Variants in FGF14 observed in about 807,000 individuals in gnomAD.
FGF14 encodes the protein fibroblast growth factor homologous factor 4.
In FGF14, 5 loss-of-function variants were observed where a neutral mutation model predicts 25.5. The ratio of observed to expected loss-of-function variants is 0.20; its 90% CI spans 0.10 to 0.41. The LOEUF (loss-of-function observed/expected upper bound fraction) is 0.41. Ranked by LOEUF, FGF14 falls within the 10% of genes least tolerant of loss-of-function variation. The pLI, the probability that FGF14 is intolerant of heterozygous loss-of-function variation, is 1.00. For synonymous variants in FGF14, 138 were observed against 118.3 expected (o/e 1.17, Z -1.08); for missense variants, 222 against 320.1 (o/e 0.69, Z 2.34).
intron 1 of FGF14, among the ~76,000 whole-genome samples, chr13:102,157,317 C>T (rs1280097969): frequency 2.0e-5 from 3 of 152,064 alleles, no homozygotes; most frequent in Non-Finnish European, 4.4e-5. Flanking sequence ...GAGATATAGA[C>T]CAATGGAACA....
chr13:101,831,896 C>T (rs182701598), intron 3 of FGF14, among the ~76,000 whole-genome samples: 255 of 152,150 alleles, frequency 1.7e-3, no homozygotes, highest in Non-Finnish European at 2.9e-3. Flanking sequence ...TAGAAATAAG[C>T]TGCCAATATT....
intron 1 of FGF14, among the ~76,000 whole-genome samples, chr13:102,347,952 A>G (rs1010864447): frequency 6.6e-6 from 1 of 152,080 alleles, no homozygotes; most frequent in African/African-American, 2.4e-5. Context: ...AAGAAAAAAT[A>G]GATACAGCAA....
chr13:101,979,498 A>T, intron 1 of FGF14, among the ~76,000 whole-genome samples: 1 of 152,170 alleles, frequency 6.6e-6, no homozygotes, highest in South Asian at 2.1e-4. Context: ...AGGAACAGAG[A>T]GTTTAAGTAA....
intron 1 of FGF14, among the ~76,000 whole-genome samples, chr13:101,937,833 T>C (rs2035204133): frequency 6.6e-6 from 1 of 152,090 alleles, no homozygotes; most frequent in Non-Finnish European, 1.5e-5. Flanking sequence ...CTATCGACCT[T>C]GTGATCTGAC....
intron 3 of FGF14, 77 bp from the exon 4 acceptor site, chr13:101,726,887 G>T: frequency 8.7e-7 from 1 of 1,155,926 alleles, no homozygotes; most frequent in Non-Finnish European, 1.2e-6. Context: ...TCTCTAGAAA[G>T]TTTCCCAGCA....
At chr13:102,091,995 A>G (rs2044185427) in intron 1 of FGF14, among the ~76,000 whole-genome samples, 1 of 152,204 alleles carries the variant, frequency 6.6e-6, no homozygotes, top group South Asian at 2.1e-4. Flanking sequence ...CCTGGTGATA[A>G]GTTTATATAT....
chr13:102,132,515 CTTT>C (rs5806272), intron 1 of FGF14, among the ~76,000 whole-genome samples: 14 of 112,664 alleles, frequency 1.2e-4, no homozygotes, highest in African/African-American at 2.2e-4. Flanking sequence ...TTCTTTCTTT[CTTT>C]TTTTTTTTTT....
rs534158450 is a variant in FGF14 at position 101,899,978 on chromosome 13, T to A, written c.193+16475A>T. Among the ~76,000 whole-genome samples, 20 of 152,324 alleles carry A rather than the reference T, an allele frequency of 1.3e-4. No individual in the cohort carries two copies. In the East Asian group the frequency reaches 3.7e-3, roughly 28 times the overall value. ...AACATACATTTTGTTTTCAATTTGC[T>A]ATTTTATTTGTTCTCTGATTATGGT... On this transcript the variant is annotated intron_variant, in intron 1 of 4. Transcript: ENST00000376143.
chr13:101,867,934 A>ACACACACGCG (rs1423363736), intron 3 of FGF14, among the ~76,000 whole-genome samples: 4 of 133,810 alleles, frequency 3.0e-5, no homozygotes, highest in Admixed American at 7.9e-5. Flanking sequence ...ACACACACAC[A>ACACACACGCG]CGCGCACACA....
intron 1 of FGF14, among the ~76,000 whole-genome samples, chr13:102,221,630 A>G (rs1323796715): frequency 6.6e-6 from 1 of 151,332 alleles, no homozygotes; most frequent in Admixed American, 6.6e-5. Context: ...ACAAACACAC[A>G]CACACACACA....
At chr13:102,334,651 A>T (rs2056737981) in intron 1 of FGF14, among the ~76,000 whole-genome samples, 1 of 152,230 alleles carries the variant, frequency 6.6e-6, no homozygotes, top group Non-Finnish European at 1.5e-5. Context: ...TGTTCGTATA[A>T]GGCTTCTGTG....
At chr13:102,153,242 G>T (rs1335322945) in intron 1 of FGF14, among the ~76,000 whole-genome samples, 2 of 152,210 alleles carry the variant, frequency 1.3e-5, no homozygotes, top group Non-Finnish European at 2.9e-5. Context: ...TTGTTCTGTT[G>T]AGAGAGAAAG....
intron 1 of FGF14, among the ~76,000 whole-genome samples, chr13:102,304,356 C>G (rs889264184): frequency 4.6e-5 from 7 of 152,098 alleles, no homozygotes; most frequent in Admixed American, 3.9e-4. Context: ...AAATTCAGCC[C>G]TACTATGTCC....
intron 1 of FGF14, among the ~76,000 whole-genome samples, chr13:102,068,339 C>G (rs543385769): frequency 6.6e-5 from 10 of 152,252 alleles, no homozygotes; most frequent in African/African-American, 2.4e-4. Context: ...CGCTCGCTCT[C>G]GGCGCCTCCT....
chr13:102,315,347 G>C (rs911398554), intron 1 of FGF14, among the ~76,000 whole-genome samples: 2 of 152,032 alleles, frequency 1.3e-5, no homozygotes. Flanking sequence ...ACCCCTTCAG[G>C]GGACAGTAGA....
chr13:102,342,527 G>T (rs1421221395), intron 1 of FGF14, among the ~76,000 whole-genome samples: 1 of 152,068 alleles, frequency 6.6e-6, no homozygotes, highest in Admixed American at 6.6e-5. Flanking sequence ...TTACTTTTAA[G>T]CCTGCAGCAA....
At chr13:102,123,144 G>T (rs1163685587) in intron 1 of FGF14, among the ~76,000 whole-genome samples, 2 of 152,106 alleles carry the variant, frequency 1.3e-5, no homozygotes, top group Non-Finnish European at 2.9e-5. Flanking sequence ...TCCATGTGAA[G>T]TAGCTATCAG....
intron 1 of FGF14, among the ~76,000 whole-genome samples, chr13:102,034,461 A>G (rs1030938255): frequency 1.3e-5 from 2 of 152,152 alleles, no homozygotes; most frequent in Non-Finnish European, 2.9e-5. Context: ...CCATCTAAAC[A>G]TTCTATCTGG....
At chr13:102,165,406 G>A (rs185986042) in intron 1 of FGF14, among the ~76,000 whole-genome samples, 6 of 151,976 alleles carry the variant, frequency 3.9e-5, no homozygotes, top group Admixed American at 3.3e-4. Context: ...CAAAGACGTG[G>A]AACCAACCCA....
Sources: gnomAD v4.1 joint callset for allele counts (sites outside exome capture counted in the v4.1 genomes callset) on GRCh38, gnomAD v4.1.1 for gene constraint, MANE v1.5 for transcripts, NCBI Gene and HGNC (gene_info 2026-07-23, HGNC 2026-07-21) for gene names.